The following SCIN variants were observed in gnomAD, a reference collection of about 807,000 sequenced individuals.
SCIN encodes the protein scinderin, also known as adseverin.
A neutral mutation model predicts 91.8 loss-of-function variants in SCIN; 91 were observed. That is an observed-to-expected ratio of 0.99 (90% confidence interval 0.84 to 1.18). The LOEUF is 1.18. Ranked by LOEUF, SCIN falls within the 50% of genes most tolerant of loss-of-function variation. The pLI, the probability that SCIN is intolerant of heterozygous loss-of-function variation, is 0.00. For missense variants in SCIN, 1,087 were observed against 863.9 expected (o/e 1.26, Z -3.24); for synonymous variants, 367 against 312.6 (o/e 1.17, Z -1.84).
intron 3 of SCIN, among the ~76,000 whole-genome samples, chr7:12,588,708 G>A (rs889162731): frequency 8.6e-5 from 13 of 151,508 alleles, no homozygotes; most frequent in Admixed American, 3.3e-4. Flanking sequence ...CATGCTGCCC[G>A]TAGGGCTGTA....
At chr7:12,636,697 A>G (rs1370156181) in intron 10 of SCIN, among the ~76,000 whole-genome samples, 1 of 152,216 alleles carries the variant, frequency 6.6e-6, no homozygotes, top group Non-Finnish European at 1.5e-5. Context: ...GGGATGCAGC[A>G]TGGGAAAGAC....
At chr7:12,591,132 C>T (rs1486772432) in intron 3 of SCIN, among the ~76,000 whole-genome samples, 1 of 151,930 alleles carries the variant, frequency 6.6e-6, no homozygotes, top group Non-Finnish European at 1.5e-5. Flanking sequence ...TGTGGCTGTA[C>T]GTGGTCCAGG....
At chr7:12,579,606 G>T (rs1260798883) in intron 2 of SCIN, among the ~76,000 whole-genome samples, 1 of 152,124 alleles carries the variant, frequency 6.6e-6, no homozygotes, top group Middle Eastern at 3.2e-3. Flanking sequence ...GTTGTATTAA[G>T]GAATAAATTA....
At chr7:12,578,514 T>C (rs1246826303) in intron 2 of SCIN, among the ~76,000 whole-genome samples, 1 of 152,190 alleles carries the variant, frequency 6.6e-6, no homozygotes, top group African/African-American at 2.4e-5. Flanking sequence ...CTTTGTAATA[T>C]TTTGTAGCTA....
intron 9 of SCIN, among the ~76,000 whole-genome samples, chr7:12,635,378 G>A (rs1222640480): frequency 1.3e-5 from 2 of 151,424 alleles, no homozygotes; most frequent in East Asian, 3.9e-4. Context: ...TTGGGAGGCC[G>A]AGGTGGGCAG....
chr7:12,608,677 C>T (rs919773713), intron 4 of SCIN, among the ~76,000 whole-genome samples: 2 of 152,206 alleles, frequency 1.3e-5, no homozygotes, highest in Non-Finnish European at 2.9e-5. Flanking sequence ...CGGGGTTTCA[C>T]TCTGTTGGCC....
Position 12,629,193 on chromosome 7 carries a change from C to T in SCIN, c.1290C>T (p.Thr430=), listed in dbSNP as rs1182437829. The T allele has an allele frequency of 6.2e-7, 1 of 1,612,384 alleles. No homozygotes were observed. The highest frequency in any genetic ancestry group is 1.3e-5 in the African/African-American group (1 of 74,926). ...GTGACTGCTACATCATACTCTACAC[C>T]TATCCCAGAGGACAGATTATCTACA... ...YGGDCYIILY[T]YPRGQIIYTW... The change falls in exon 9 of 16, where the codon ACC becomes ACT. Residue 430 remains threonine, a synonymous_variant. Transcript: ENST00000297029.
intron 11 of SCIN, among the ~76,000 whole-genome samples, chr7:12,642,561 A>G (rs1783878927): frequency 6.6e-6 from 1 of 150,548 alleles, no homozygotes; most frequent in East Asian, 1.9e-4. Flanking sequence ...TTTTAAAGCC[A>G]GTTCTCTCTA....
chr7:12,612,205 G>A lies in SCIN; in HGVS notation c.666+7542G>A, dbSNP rs11980326. On this transcript the variant is annotated intron_variant, in intron 4 of 15. Coordinates refer to ENST00000297029, the MANE Select transcript of SCIN (RefSeq NM_001112706.3). ...AATTGAACAATGTCTTAAATATTTT[G>A]TAATCCCTCATTCATGTAGCATTGT... Among the ~76,000 whole-genome samples the A allele has an allele frequency of 1.5e-3, 223 of 152,132 alleles. 1 individual carries two copies. Among genetic ancestry groups the A allele is most frequent in the African/African-American group, 4.9e-3 (204 of 41,496 alleles).
intron 9 of SCIN, among the ~76,000 whole-genome samples, chr7:12,634,633 G>A (rs541429593): frequency 2.6e-5 from 4 of 152,262 alleles, no homozygotes; most frequent in African/African-American, 9.6e-5. Flanking sequence ...TAGTCAAATA[G>A]AAATGGGAAA....
At chr7:12,650,299 A>G (rs1253195949) in intron 14 of SCIN, among the ~76,000 whole-genome samples, 3 of 152,192 alleles carry the variant, frequency 2.0e-5, no homozygotes, top group African/African-American at 7.2e-5. Flanking sequence ...ATTCTTGCCA[A>G]GTGAATGGAT....
chr7:12,580,789 G>T (rs925780473), intron 2 of SCIN, among the ~76,000 whole-genome samples: 1 of 152,202 alleles, frequency 6.6e-6, no homozygotes, highest in African/African-American at 2.4e-5. Flanking sequence ...TTTTGCAGCA[G>T]CGTTTTATAC....
intron 1 of SCIN, among the ~76,000 whole-genome samples, chr7:12,571,941 C>G (rs527246415): frequency 2.6e-5 from 4 of 152,246 alleles, no homozygotes; most frequent in Non-Finnish European, 5.9e-5. Context: ...TTCTCTGAGC[C>G]TTTTTGCCTT....
At chr7:12,632,225 G>T (rs1281021870) in intron 9 of SCIN, among the ~76,000 whole-genome samples, 5 of 151,564 alleles carry the variant, frequency 3.3e-5, no homozygotes, top group Non-Finnish European at 7.4e-5. Context: ...CCGCCTCCCG[G>T]GTTCAAGCTA....
intron 2 of SCIN, among the ~76,000 whole-genome samples, chr7:12,578,892 C>G (rs1287631001): frequency 1.0e-5 from 1 of 99,374 alleles, no homozygotes; most frequent in Non-Finnish European, 2.1e-5. Flanking sequence ...TTTAAGGCAG[C>G]CTTCAGTATA....
intron 4 of SCIN, among the ~76,000 whole-genome samples, chr7:12,612,107 G>GT (rs1156831320): frequency 6.6e-6 from 1 of 152,056 alleles, no homozygotes; most frequent in African/African-American, 2.4e-5. Flanking sequence ...ATATTTGTAT[G>GT]TTTTCCAAGT....
chr7:12,657,127 A>G lies in SCIN; in HGVS notation c.*4412A>G, dbSNP rs947764812. The G allele has an allele frequency of 6.6e-6, 1 of 151,738 alleles. No homozygotes were observed. Among genetic ancestry groups the G allele is most frequent in the Non-Finnish European group, 1.5e-5 (1 of 67,970 alleles). The allele number at this position is 151,738 out of a possible 1,614,324, so 9.4% of individuals were successfully genotyped here. A position where few individuals can be genotyped will look rare whatever the true frequency, so the allele number is the denominator to read the frequency against. ...GTATTTTCTACTAAAATGAACATAC[A>G]CATATCCTATAATCCAGAAATCCCA... is the stretch of plus-strand genomic sequence containing the variant. On this transcript the variant is annotated 3_prime_UTR_variant, in exon 16 of 16. Coordinates refer to ENST00000297029, the MANE Select transcript of SCIN (RefSeq NM_001112706.3).
intron 1 of SCIN, among the ~76,000 whole-genome samples, chr7:12,575,251 T>G (rs1782346810): frequency 6.6e-6 from 1 of 151,804 alleles, no homozygotes; most frequent in Non-Finnish European, 1.5e-5. Flanking sequence ...TTTTTTTTTT[T>G]GGATAGGTCT....
intron 9 of SCIN, among the ~76,000 whole-genome samples, chr7:12,631,840 G>A (rs1783649707): frequency 6.6e-6 from 1 of 152,174 alleles, no homozygotes; most frequent in Admixed American, 6.5e-5. Flanking sequence ...CATTGAAGTG[G>A]GAGATAGACA....
Sources: allele counts gnomAD v4.1 joint callset (sites outside exome capture counted in the v4.1 genomes callset), GRCh38; gene constraint gnomAD v4.1.1; transcripts MANE v1.5; gene names NCBI Gene and HGNC (gene_info 2026-07-23, HGNC 2026-07-21).